NR1H2: variants seen among roughly 807,000 people sequenced by gnomAD.
The protein encoded by NR1H2 is nuclear receptor subfamily 1 group H member 2.
Under a neutral mutation model 51.2 loss-of-function variants are expected in NR1H2, and 33 were observed. That is an observed-to-expected ratio of 0.64 (90% CI 0.49 to 0.86). The LOEUF is 0.86. Ranked by LOEUF, NR1H2 falls within the 40% of genes least tolerant of loss-of-function variation. The pLI, the probability that NR1H2 is intolerant of heterozygous loss-of-function variation, is 0.00. For synonymous variants in NR1H2, 310 were observed against 264.3 expected (o/e 1.17, Z -1.68); for missense variants, 592 against 639.9 (o/e 0.93, Z 0.81).
chr19:50,379,184 A>G lies in NR1H2; in HGVS notation c.927+3A>G, dbSNP rs2037723998. The G allele has an allele frequency of 6.2e-7, 1 of 1,608,554 alleles. No individual in the cohort carries two copies. Among genetic ancestry groups the G allele is most frequent in the Admixed American group, 1.7e-5 (1 of 59,464 alleles). On this transcript the variant is annotated splice_donor_region_variant and intron_variant, in intron 7 of 9. Coordinates refer to ENST00000253727, the MANE Select transcript of NR1H2 (RefSeq NM_007121.7). ...TCCTGAAGGCATCCACTATCGAGGT[A>G]ATGGTCCATCTGCCCACAAGGAACC...
At chr19:50,382,225 C>T (rs1291186519) in intron 9 of NR1H2, 51 bp downstream of exon 9, 24 of 1,464,670 alleles carry the variant, frequency 1.6e-5, no homozygotes, top group Non-Finnish European at 2.1e-5. Flanking sequence ...CCGCGGCCCA[C>T]GTGGTCCGTT....
intron 4 of NR1H2, 107 bp from the exon 5 acceptor site, chr19:50,378,038 CCTCT>C: frequency 2.1e-6 from 3 of 1,404,414 alleles, no homozygotes; most frequent in Non-Finnish European, 2.9e-6. Flanking sequence ...AGCAGCAACT[CCTCT>C]CTCCCTCCAT....
intron 8 of NR1H2, among the ~76,000 whole-genome samples, chr19:50,380,901 C>T (rs527391365): frequency 6.6e-6 from 1 of 152,204 alleles, no homozygotes; most frequent in African/African-American, 2.4e-5. Flanking sequence ...TGGGGCTGCT[C>T]ACAGCACAGG....
intron 6 of NR1H2, 77 bp downstream of exon 6, chr19:50,378,873 G>A (rs1601140883): frequency 6.4e-7 from 1 of 1,568,506 alleles, no homozygotes; most frequent in South Asian, 1.2e-5. Flanking sequence ...CAGGGTGTGG[G>A]AGAATGAGGC....
At position 50,378,328 on chromosome 19, in the gene NR1H2, A is replaced by T. The variant is rs60638904; in HGVS notation, c.361A>T (p.Arg121Trp). Residue 121 changes from arginine to tryptophan, a missense_variant, in exon 5 of 10, where the codon AGG (arginine) becomes TGG (tryptophan). Physicochemically the swap from Arg to Trp is moderately radical, Grantham distance 101 (BLOSUM62 -3). Transcript: ENST00000253727. ...GCGCAGTGTGGTCCGTGGTGGGGCC[A>T]GGCGCTATGCCTGCCGGGGTGGCGG... ...FRRSVVRGGARRYACRGGGTC... is the reference protein window; with the variant it reads ...FRRSVVRGGAWRYACRGGGTC... 3.1e-6 allele frequency: 5 copies of T among 1,612,902 alleles called. No individual in the cohort carries two copies. The South Asian group carries it at 3.3e-5, about 11-fold the overall frequency.
In NR1H2 at chr19:50,382,848, A is replaced by C. The variant is rs887396630; in HGVS notation, c.*246A>C. The C allele has an allele frequency of 1.2e-5, 5 of 425,378 alleles. No individual in the cohort carries two copies. Among genetic ancestry groups the C allele is most frequent in the African/African-American group, 2.1e-5 (1 of 48,742 alleles). The allele number at this position is 425,378 out of a possible 1,614,324, so 26.4% of individuals were successfully genotyped here. A position where few individuals can be genotyped will look rare whatever the true frequency, so the allele number is the denominator to read the frequency against. On this transcript the variant is annotated 3_prime_UTR_variant, in exon 10 of 10. Transcript: ENST00000253727. ...CCCTTCCCGGCTGCCCTCCCTCCCC[A>C]GCTTACACCTCAAGCCCAGCACGCA...
At chr19:50,378,122 C>G (rs1347498764) in intron 4 of NR1H2, 27 bp from the exon 5 acceptor site, 1 of 1,589,902 alleles carries the variant, frequency 6.3e-7, no homozygotes, top group East Asian at 2.2e-5. Flanking sequence ...TTGTGGCTTT[C>G]TCATGGCCTC....
chr19:50,382,525 GAGC>G lies in NR1H2; in HGVS notation c.1309_1311del (p.Gln437del). ...GCGCACGCTGAGCTCTGTGCACTCG[GAGC>G]AGGTCTTCGCCTTGCGGCTCCAGGA... On this transcript the variant is annotated inframe_deletion, in exon 10 of 10. Transcript: ENST00000253727. 6.2e-7 allele frequency: 1 copy of G among 1,610,288 alleles called. No individual in the cohort carries two copies. The highest frequency in any genetic ancestry group is 8.5e-7 in the Non-Finnish European group (1 of 1,178,388).
At chr19:50,380,551 C>T (rs2037749209) in intron 8 of NR1H2, among the ~76,000 whole-genome samples, 1 of 152,188 alleles carries the variant, frequency 6.6e-6, no homozygotes, top group Non-Finnish European at 1.5e-5. Flanking sequence ...CTCTGTATTT[C>T]CCGACATCTG....
chr19:50,378,461 G>C (rs368460410), intron 5 of NR1H2, 22 bp downstream of exon 5: 1 of 1,577,976 alleles, frequency 6.3e-7, no homozygotes, highest in African/African-American at 1.3e-5. Flanking sequence ...GGGAGGGGGC[G>C]GTGCCGGCCT....
At chr19:50,379,747 G>A in intron 7 of NR1H2, 33 bp from the exon 8 acceptor site, 2 of 1,418,880 alleles carry the variant, frequency 1.4e-6, no homozygotes, top group Non-Finnish European at 2.0e-6. Context: ...AGGGTCACAG[G>A]GCTCAAGCTC....
At position 50,382,490 on chromosome 19, in the gene NR1H2, T is replaced by G; in HGVS notation, c.1271T>G (p.Leu424Arg). 1 of 1,610,364 alleles carries G rather than the reference T, an allele frequency of 6.2e-7. No homozygotes were observed. The highest frequency in any genetic ancestry group is 8.5e-7 in the Non-Finnish European group (1 of 1,179,274). Residue 424 changes from leucine to arginine, a missense_variant, in exon 10 of 10, where the codon CTG becomes CGG. Coordinates refer to ENST00000253727, the MANE Select transcript of NR1H2 (RefSeq NM_007121.7). ...CGCTTCCCGCGCATGCTCATGAAGC[T>G]GGTGAGCCTGCGCACGCTGAGCTCT... Reference protein sequence around the residue: ...QLRFPRMLMKLVSLRTLSSVH... With the variant: ...QLRFPRMLMKRVSLRTLSSVH...
chr19:50,382,879 C>A lies in NR1H2; in HGVS notation c.*277C>A. ...CACCTCAAGCCCAGCACGCAGTGCA[C>A]CTTGAACAGAGGGAGGGGAGGACCC... On this transcript the variant is annotated 3_prime_UTR_variant, in exon 10 of 10. Coordinates refer to ENST00000253727, the MANE Select transcript of NR1H2 (RefSeq NM_007121.7). 2.9e-6 allele frequency: 1 copy of A among 340,678 alleles called. No individual in the cohort carries two copies. Among genetic ancestry groups the A allele is most frequent in the South Asian group, 9.2e-5 (1 of 10,900 alleles). 21.1% of individuals were successfully genotyped at this position (340,678 alleles called of 1,614,324 possible). A position where few individuals can be genotyped will look rare whatever the true frequency, so the allele number is the denominator to read the frequency against.
intron 4 of NR1H2, 112 bp downstream of exon 4, chr19:50,377,982 C>A: frequency 6.9e-7 from 1 of 1,443,852 alleles, no homozygotes; most frequent in Non-Finnish European, 9.2e-7. Flanking sequence ...TTCTTGCTTT[C>A]TCCTTAACAT....
Position 50,383,076 on chromosome 19 carries a change from C to T in NR1H2, c.*474C>T, listed in dbSNP as rs1010316723. 13 of 152,916 alleles carry T rather than the reference C, an allele frequency of 8.5e-5. No individual in the cohort carries two copies. The highest frequency in any genetic ancestry group is 2.9e-4 in the African/African-American group (12 of 41,458). The allele number at this position is 152,916 out of a possible 1,614,324, so 9.5% of individuals were successfully genotyped here. On this transcript the variant is annotated 3_prime_UTR_variant, in exon 10 of 10. Transcript: ENST00000253727. ...TAGGGACCTCAGTGACACTGGGTGC[C>T]CGAACCTGATTGAGCAGGTGGGACT...
In NR1H2 at chr19:50,382,849, G is replaced by C; in HGVS notation, c.*247G>C. On this transcript the variant is annotated 3_prime_UTR_variant, in exon 10 of 10. Transcript: ENST00000253727. ...CCTTCCCGGCTGCCCTCCCTCCCCA[G>C]CTTACACCTCAAGCCCAGCACGCAG... 1 of 425,300 alleles carries C rather than the reference G, an allele frequency of 2.4e-6. No homozygotes were observed. The highest frequency in any genetic ancestry group is 3.8e-5 in the East Asian group (1 of 25,990). 26.3% of individuals were successfully genotyped at this position (425,300 alleles called of 1,614,324 possible). A position where few individuals can be genotyped will look rare whatever the true frequency, so the allele number is the denominator to read the frequency against.
At chr19:50,378,894 AG>A (rs2037717873) in intron 6 of NR1H2, 98 bp downstream of exon 6, 2 of 1,556,344 alleles carry the variant, frequency 1.3e-6, no homozygotes, top group African/African-American at 2.7e-5. Context: ...TCCAGAGGGC[AG>A]GGGCTTTGGG....
intron 8 of NR1H2, among the ~76,000 whole-genome samples, chr19:50,380,085 G>T (rs2037741645): frequency 6.6e-6 from 1 of 152,252 alleles, no homozygotes; most frequent in African/African-American, 2.4e-5. Context: ...GAGGAGGGCA[G>T]ATTGCTTGAG....
intron 4 of NR1H2, 43 bp downstream of exon 4, chr19:50,377,913 G>T (rs747985422): frequency 6.6e-7 from 1 of 1,511,352 alleles, no homozygotes. Context: ...TTGGGGAGGG[G>T]TTTAGGAAGG....
Sources: gnomAD v4.1 joint callset for allele counts (sites outside exome capture counted in the v4.1 genomes callset) on GRCh38, gnomAD v4.1.1 for gene constraint, MANE v1.5 for transcripts, NCBI Gene and HGNC (gene_info 2026-07-23, HGNC 2026-07-21) for gene names.